C2CD5: variants seen among roughly 807,000 people sequenced by gnomAD.
C2CD5 encodes the protein C2 domain-containing protein 5.
In C2CD5, 109 loss-of-function variants were observed where a neutral mutation model predicts 130.3. The observed-to-expected ratio is 0.84, with a 90% CI of 0.72 to 0.98. The LOEUF is 0.98. Ranked by LOEUF, C2CD5 falls within the 50% of genes least tolerant of loss-of-function variation. C2CD5 has a pLI of 0.00. For missense variants in C2CD5, 996 were observed against 1,261.8 expected (o/e 0.79, Z 3.19); for synonymous variants, 454 against 429.2 (o/e 1.06, Z -0.71).
intron 10 of C2CD5, among the ~76,000 whole-genome samples, chr12:22,504,213 T>TTAAA (rs1300814199): frequency 6.6e-6 from 1 of 152,176 alleles, no homozygotes; most frequent in Non-Finnish European, 1.5e-5. Flanking sequence ...CTACTTAAAC[T>TTAAA]TATTTAAGTA....
intron 7 of C2CD5, among the ~76,000 whole-genome samples, chr12:22,522,403 C>G (rs914234805): frequency 6.6e-6 from 1 of 152,136 alleles, no homozygotes; most frequent in Non-Finnish European, 1.5e-5. Flanking sequence ...TCATGACCAC[C>G]ATCATGTTGA....
chr12:22,491,323 CTCTTT>C (rs1946328087), intron 11 of C2CD5, among the ~76,000 whole-genome samples: 1 of 152,044 alleles, frequency 6.6e-6, no homozygotes, highest in African/African-American at 2.4e-5. Flanking sequence ...TTTTTTGCTA[CTCTTT>C]TAAGTGTTGA....
intron 13 of C2CD5, chr12:22,484,193 G>C (rs1945141018): frequency 6.6e-6 from 1 of 152,314 alleles, no homozygotes; most frequent in African/African-American, 2.4e-5. Context: ...TGAGATGTCA[G>C]AACTAAGATG....
intron 4 of C2CD5, 95 bp from the exon 5 acceptor site, chr12:22,525,800 TACAATGATTTA>T: frequency 1.4e-6 from 1 of 719,494 alleles, no homozygotes; most frequent in Non-Finnish European, 2.4e-6. Context: ...GATTTTAAAA[TACAATGATTTA>T]ACTCACAATT....
chr12:22,487,446 A>G (rs557934037), intron 12 of C2CD5, among the ~76,000 whole-genome samples: 2 of 152,362 alleles, frequency 1.3e-5, no homozygotes, highest in Admixed American at 6.5e-5. Context: ...AAGACACATG[A>G]AAAAATGCTC....
intron 2 of C2CD5, among the ~76,000 whole-genome samples, chr12:22,541,093 TAAATCAC>T (rs1399328642): frequency 6.6e-6 from 1 of 152,124 alleles, no homozygotes; most frequent in East Asian, 1.9e-4. Context: ...GCCATAGTCA[TAAATCAC>T]TTCCTTAACA....
intron 24 of C2CD5, 39 bp from the exon 25 acceptor site, chr12:22,457,200 C>T (rs149724224): frequency 1.0e-4 from 145 of 1,400,762 alleles, no homozygotes; most frequent in Admixed American, 1.4e-4. Flanking sequence ...TCAGAACAGA[C>T]GCTGGTAACA....
intron 12 of C2CD5, among the ~76,000 whole-genome samples, chr12:22,486,490 C>A (rs1325015439): frequency 6.6e-6 from 1 of 152,170 alleles, no homozygotes; most frequent in Non-Finnish European, 1.5e-5. Flanking sequence ...AAGGCATTAG[C>A]TATCAGTCAT....
intron 22 of C2CD5, among the ~76,000 whole-genome samples, chr12:22,468,187 A>G (rs1942427495): frequency 6.6e-6 from 1 of 151,384 alleles, no homozygotes; most frequent in Non-Finnish European, 1.5e-5. Context: ...GATGTTAAAG[A>G]AAAAAAAACT....
chr12:22,501,299 A>C (rs966543221), intron 10 of C2CD5, among the ~76,000 whole-genome samples: 4 of 152,148 alleles, frequency 2.6e-5, no homozygotes, highest in Admixed American at 1.3e-4. Flanking sequence ...TTTCTTTGCC[A>C]AACCGTAATT....
At chr12:22,494,924 A>G (rs1177178522) in intron 10 of C2CD5, among the ~76,000 whole-genome samples, 1 of 152,032 alleles carries the variant, frequency 6.6e-6, no homozygotes, top group Non-Finnish European at 1.5e-5. Flanking sequence ...ACACTTACGG[A>G]CCAATCTGAA....
chr12:22,481,798 AT>A (rs762273958), intron 14 of C2CD5, among the ~76,000 whole-genome samples: 5,571 of 93,194 alleles, frequency 0.06, 117 homozygotes, highest in Middle Eastern at 0.14. Context: ...CACCTGGTGT[AT>A]TTTTTTTTTT....
intron 11 of C2CD5, among the ~76,000 whole-genome samples, chr12:22,490,520 T>C (rs1486661989): frequency 6.6e-6 from 1 of 152,124 alleles, no homozygotes; most frequent in African/African-American, 2.4e-5. Context: ...TGTTTCAAAA[T>C]ATAAGCAGTA....
chr12:22,466,375 ATT>A (rs1565660101), intron 22 of C2CD5, among the ~76,000 whole-genome samples: 1 of 151,948 alleles, frequency 6.6e-6, no homozygotes, highest in East Asian at 1.9e-4. Flanking sequence ...ATTTATCAGT[ATT>A]AGTAACTGAC....
chr12:22,449,528 T>C lies in C2CD5; in HGVS notation c.*232A>G, dbSNP rs1393750845. The C allele has an allele frequency of 2.3e-5, 8 of 351,554 alleles. No homozygotes were observed. The highest frequency in any genetic ancestry group is 4.1e-5 in the Non-Finnish European group (8 of 194,468). The allele number at this position is 351,554 out of a possible 1,614,324, so 21.8% of individuals were successfully genotyped here. ...ATCTTTGCTACGGTTCTTTTAAAAA[T>C]TTATCTTAACTTACTGAAGGGTCAA... On this transcript the variant is annotated 3_prime_UTR_variant, in exon 27 of 27. Coordinates refer to ENST00000446597, the MANE Select transcript of C2CD5 (RefSeq NM_001286176.2).
chr12:22,509,692 T>A (rs1005229638), intron 9 of C2CD5, among the ~76,000 whole-genome samples: 5 of 152,208 alleles, frequency 3.3e-5, no homozygotes, highest in African/African-American at 1.2e-4. Context: ...GTCAAGTACT[T>A]CTATGTGCCA....
At chr12:22,542,359 C>T (rs1952478293) in intron 2 of C2CD5, among the ~76,000 whole-genome samples, 1 of 152,262 alleles carries the variant, frequency 6.6e-6, no homozygotes, top group African/African-American at 2.4e-5. Context: ...CTGCAGTGAC[C>T]TGCATTCAGC....
Position 22,528,876 on chromosome 12 carries a change from G to A in C2CD5, c.178-984C>T, listed in dbSNP as rs937528325. Among the ~76,000 whole-genome samples the A allele has an allele frequency of 4.6e-5, 7 of 152,110 alleles. No homozygotes were observed. In the South Asian group the frequency reaches 8.3e-4, roughly 18 times the overall value. On this transcript the variant is annotated intron_variant, in intron 3 of 26. Transcript: ENST00000446597. Reference sequence around the variant, plus strand: ...ATCCCCTATTTAATTTATTGTTGATGTTAAGCTAATAATCCAGCCTCTGAA... The same window carrying A: ...ATCCCCTATTTAATTTATTGTTGATATTAAGCTAATAATCCAGCCTCTGAA...
chr12:22,468,891 G>A (rs988927143), intron 22 of C2CD5, among the ~76,000 whole-genome samples: 3 of 151,946 alleles, frequency 2.0e-5, no homozygotes, highest in Admixed American at 2.0e-4. Context: ...TAACAAGTAG[G>A]AATCATAAAA....
Sources: gnomAD v4.1 joint callset for allele counts (sites outside exome capture counted in the v4.1 genomes callset) on GRCh38, gnomAD v4.1.1 for gene constraint, MANE v1.5 for transcripts, NCBI Gene and HGNC (gene_info 2026-07-23, HGNC 2026-07-21) for gene names.